Variants in SNTG1 observed in about 807,000 individuals in gnomAD.
SNTG1 encodes the protein gamma-1-syntrophin.
A neutral mutation model predicts 74.7 loss-of-function variants in SNTG1; 39 were observed. The observed-to-expected ratio is 0.52, with a 90% CI of 0.40 to 0.68. The LOEUF is 0.68. Ranked by LOEUF, SNTG1 falls within the 30% of genes least tolerant of loss-of-function variation. The pLI is 0.00. For missense variants in SNTG1, 685 were observed against 609.5 expected, an observed-to-expected ratio of 1.12 and a Z score of -1.30; for synonymous variants, 254 against 217.1, an observed-to-expected ratio of 1.17 and a Z score of -1.49.
intron 1 of SNTG1, among the ~76,000 whole-genome samples, chr8:50,044,134 C>T (rs900971192): frequency 1.3e-5 from 2 of 152,288 alleles, no homozygotes; most frequent in Non-Finnish European, 2.9e-5. Context: ...AGGGGTTAAA[C>T]TCACAGAAGT....
At chr8:49,967,068 G>T (rs1209586731) in intron 1 of SNTG1, among the ~76,000 whole-genome samples, 2 of 152,108 alleles carry the variant, frequency 1.3e-5, no homozygotes, top group Non-Finnish European at 2.9e-5. Context: ...AATAACAATA[G>T]CTTATACTCA....
intron 1 of SNTG1, among the ~76,000 whole-genome samples, chr8:49,948,845 C>T (rs1360488936): frequency 1.3e-5 from 2 of 152,192 alleles, no homozygotes; most frequent in Non-Finnish European, 2.9e-5. Flanking sequence ...CCTGAGCTGC[C>T]TTACCTACAA....
At chr8:50,386,890 C>T (rs549016326) in intron 2 of SNTG1, among the ~76,000 whole-genome samples, 17 of 152,088 alleles carry the variant, frequency 1.1e-4, no homozygotes, top group African/African-American at 2.4e-4. Flanking sequence ...TTGGAGTGGA[C>T]GAACATTCAA....
chr8:50,074,422 A>G (rs1266985520), intron 1 of SNTG1, among the ~76,000 whole-genome samples: 1 of 152,176 alleles, frequency 6.6e-6, no homozygotes, highest in African/African-American at 2.4e-5. Context: ...TCATATCAGC[A>G]ACTGTAGAGT....
intron 2 of SNTG1, among the ~76,000 whole-genome samples, chr8:50,225,706 A>G (rs77417693): frequency 0.074 from 11,259 of 152,288 alleles, 442 homozygotes; most frequent in Middle Eastern, 0.12. Context: ...TATTAAAAAT[A>G]GGGAGGATTT....
intron 2 of SNTG1, among the ~76,000 whole-genome samples, chr8:50,294,440 A>C (rs1349482438): frequency 6.6e-6 from 1 of 152,236 alleles, no homozygotes; most frequent in African/African-American, 2.4e-5. Flanking sequence ...GGTTCATATA[A>C]TTATGGATAC....
At chr8:50,263,295 T>C (rs777635560) in intron 2 of SNTG1, among the ~76,000 whole-genome samples, 1 of 151,904 alleles carries the variant, frequency 6.6e-6, no homozygotes, top group Non-Finnish European at 1.5e-5. Flanking sequence ...ATATTTGAGG[T>C]AAAGACATGG....
At chr8:50,264,840 G>C (rs535931031) in intron 2 of SNTG1, among the ~76,000 whole-genome samples, 1 of 151,870 alleles carries the variant, frequency 6.6e-6, no homozygotes, top group African/African-American at 2.4e-5. Flanking sequence ...GAAGGTAAGA[G>C]AATACTATAA....
intron 1 of SNTG1, among the ~76,000 whole-genome samples, chr8:50,014,399 T>C (rs1182141575): frequency 2.6e-5 from 4 of 152,080 alleles, no homozygotes; most frequent in Non-Finnish European, 5.9e-5. Context: ...GCTGTGATTT[T>C]AGTTGGGAAA....
chr8:50,707,376 T>C (rs1338160242), intron 16 of SNTG1, among the ~76,000 whole-genome samples: 1 of 152,162 alleles, frequency 6.6e-6, no homozygotes, highest in Non-Finnish European at 1.5e-5. Flanking sequence ...GATGTAAGCA[T>C]GCACAATGCT....
At chr8:50,557,155 C>A (rs1416720635) in intron 12 of SNTG1, among the ~76,000 whole-genome samples, 7 of 149,836 alleles carry the variant, frequency 4.7e-5, no homozygotes, top group African/African-American at 1.2e-4. Context: ...TCTTTAGGGG[C>A]TGATCCCTCC....
Position 50,726,590 on chromosome 8 carries a change from C to T in SNTG1, c.1284+17612C>T, listed in dbSNP as rs145924830. ...TGAGGCTGGGCGCACTGGCTCACGC[C>T]TGTAATCCCAGCTCTTTGGGAGGCC... On this transcript the variant is annotated intron_variant, in intron 17 of 18. Coordinates refer to ENST00000642720, the MANE Select transcript of SNTG1 (RefSeq NM_018967.5). Among the ~76,000 whole-genome samples, 852 of 152,336 alleles carry T rather than the reference C, an allele frequency of 5.6e-3. 12 individuals are homozygous for T. Among genetic ancestry groups the T allele is most frequent in the African/African-American group, 0.02 (821 of 41,582 alleles).
In SNTG1 at chr8:49,968,953, G is replaced by C. The variant is rs544582788; in HGVS notation, c.-103+56722G>C. 5.3e-5 allele frequency among the ~76,000 whole-genome samples: 8 copies of C among 152,320 alleles called. No homozygotes were observed. The South Asian group carries it at 1.7e-3, about 32-fold the overall frequency. ...ATTTCAGGCTGCATTTAAAACTCCAGAGACTTGAGTGCCAAGTAAAGGAGT... is the reference window on the plus strand; with the variant it reads ...ATTTCAGGCTGCATTTAAAACTCCACAGACTTGAGTGCCAAGTAAAGGAGT... On this transcript the variant is annotated intron_variant, in intron 1 of 18. Transcript: ENST00000642720.
chr8:50,764,009 G>A (rs1438207661), intron 18 of SNTG1, among the ~76,000 whole-genome samples: 1 of 150,096 alleles, frequency 6.7e-6, no homozygotes, highest in African/African-American at 2.4e-5. Flanking sequence ...AAATAGAGAG[G>A]CCAGAAAAGA....
chr8:50,306,589 T>C (rs2089907603), intron 2 of SNTG1, among the ~76,000 whole-genome samples: 1 of 152,120 alleles, frequency 6.6e-6, no homozygotes, highest in South Asian at 2.1e-4. Flanking sequence ...TATTAGCCAT[T>C]CTGGTACGAG....
intron 12 of SNTG1, among the ~76,000 whole-genome samples, chr8:50,584,515 T>C (rs932382202): frequency 1.0e-5 from 1 of 98,584 alleles, no homozygotes; most frequent in Non-Finnish European, 1.8e-5. Flanking sequence ...TCTGATTCTT[T>C]TTTTTTTTTT....
At chr8:50,406,001 T>C (rs2092870493) in intron 4 of SNTG1, among the ~76,000 whole-genome samples, 1 of 152,150 alleles carries the variant, frequency 6.6e-6, no homozygotes, top group Non-Finnish European at 1.5e-5. Context: ...TGTAGCTTTA[T>C]AGCAAATTTT....
At chr8:50,514,003 C>T (rs181884240) in intron 9 of SNTG1, among the ~76,000 whole-genome samples, 71 of 152,338 alleles carry the variant, frequency 4.7e-4, no homozygotes, top group African/African-American at 1.3e-3. Context: ...TCTTCTGCAT[C>T]GCTCATGCTG....
At chr8:50,305,903 TAA>T (rs5891362) in intron 2 of SNTG1, among the ~76,000 whole-genome samples, 10,376 of 148,698 alleles carry the variant, frequency 0.07, 407 homozygotes, top group African/African-American at 0.086. Context: ...TATATTTATT[TAA>T]AAAAAAAAAA....
Sources: allele counts gnomAD v4.1 joint callset (sites outside exome capture counted in the v4.1 genomes callset), GRCh38; gene constraint gnomAD v4.1.1; transcripts MANE v1.5; gene names NCBI Gene and HGNC (gene_info 2026-07-23, HGNC 2026-07-21).